The following SCOC variants were observed in gnomAD, a reference collection of about 807,000 sequenced individuals.
SCOC encodes short coiled coil protein.
Under a neutral mutation model 9.9 loss-of-function variants are expected in SCOC, and 7 were observed. That is an observed-to-expected ratio of 0.71 (90% CI 0.40 to 1.33). The LOEUF (loss-of-function observed/expected upper bound fraction) is 1.33. Among genes scored for constraint, SCOC ranks in the 40% most tolerant of loss-of-function variants. The pLI, the probability that SCOC is intolerant of heterozygous loss-of-function variation, is 0.01. For synonymous variants in SCOC, 19 were observed against 28.2 expected, an observed-to-expected ratio of 0.67 and a Z score of 1.03; for missense variants, 66 against 89.7, an observed-to-expected ratio of 0.74 and a Z score of 1.07.
At chr4:140,380,892 C>T in intron 3 of SCOC, 70 bp from the exon 4 acceptor site, 4 of 1,205,560 alleles carry the variant, frequency 3.3e-6, no homozygotes, top group Non-Finnish European at 4.5e-6. Flanking sequence ...AGAATGAATC[C>T]TAAGAATTTT....
At chr4:140,327,635 T>C (rs1379180811) in intron 1 of SCOC, among the ~76,000 whole-genome samples, 1 of 152,122 alleles carries the variant, frequency 6.6e-6, no homozygotes, top group Non-Finnish European at 1.5e-5. Flanking sequence ...ACAAAACAAA[T>C]GTTTTGTTTG....
In SCOC at chr4:140,263,727, G is replaced by A. The variant is rs528173796; in HGVS notation, c.-19+6317G>A. Reference sequence around the variant, plus strand: ...TTAGTTATCATATCACCCCGAATGGGTGAAATAGGTCAGCAACCCATGGGT... The same window carrying A: ...TTAGTTATCATATCACCCCGAATGGATGAAATAGGTCAGCAACCCATGGGT... On this transcript the variant is annotated intron_variant, in intron 1 of 4. Coordinates refer to the SCOC transcript ENST00000394205. 2.6e-5 allele frequency among the ~76,000 whole-genome samples: 4 copies of A among 152,218 alleles called. No individual in the cohort carries two copies. The South Asian group carries it at 8.3e-4, about 32-fold the overall frequency.
intron 1 of SCOC, among the ~76,000 whole-genome samples, chr4:140,283,114 C>A (rs981156007): frequency 6.6e-6 from 1 of 152,186 alleles, no homozygotes; most frequent in Admixed American, 6.5e-5. Context: ...TCTCTGTAAG[C>A]ATGTCCATCT....
upstream of SCOC, among the ~76,000 whole-genome samples, chr4:140,341,957 T>G (rs1726534290): frequency 6.6e-6 from 1 of 152,178 alleles, no homozygotes; most frequent in Non-Finnish European, 1.5e-5. Flanking sequence ...TGTCTTCACT[T>G]CACTTCACTT....
upstream of SCOC, chr4:140,373,577 G>A: frequency 1.3e-6 from 2 of 1,551,704 alleles, no homozygotes; most frequent in East Asian, 2.4e-5. Context: ...TGGCGGGCGA[G>A]CGGCTGGGAC....
chr4:140,359,332 A>G (rs1437607364), intron 2 of SCOC, among the ~76,000 whole-genome samples: 1 of 151,964 alleles, frequency 6.6e-6, no homozygotes, highest in Non-Finnish European at 1.5e-5. Flanking sequence ...TTGAGCACCT[A>G]CATATGGTCT....
At chr4:140,287,461 T>TAC (rs763123218) in intron 1 of SCOC, among the ~76,000 whole-genome samples, 9 of 148,564 alleles carry the variant, frequency 6.1e-5, no homozygotes, top group Non-Finnish European at 1.2e-4. Context: ...ACATACATGC[T>TAC]ACACACACAT....
chr4:140,306,580 C>A (rs1731994817), intron 1 of SCOC, among the ~76,000 whole-genome samples: 1 of 151,908 alleles, frequency 6.6e-6, no homozygotes, highest in African/African-American at 2.4e-5. Flanking sequence ...GTGCCTGGAC[C>A]ACCCAGACAA....
intron 1 of SCOC, among the ~76,000 whole-genome samples, chr4:140,286,019 T>C (rs946125160): frequency 1.3e-5 from 2 of 151,978 alleles, no homozygotes; most frequent in Admixed American, 6.6e-5. Flanking sequence ...ATCCCATCTC[T>C]ACTAAAAATA....
chr4:140,286,972 A>G (rs1731290300), intron 1 of SCOC, among the ~76,000 whole-genome samples: 1 of 152,074 alleles, frequency 6.6e-6, no homozygotes, highest in Non-Finnish European at 1.5e-5. Flanking sequence ...TACGACATAC[A>G]CACATCATGT....
At chr4:140,268,259 A>G (rs1730772907) in intron 1 of SCOC, among the ~76,000 whole-genome samples, 1 of 152,206 alleles carries the variant, frequency 6.6e-6, no homozygotes, top group South Asian at 2.1e-4. Context: ...TAACGTTTGT[A>G]TCTTGTGTCT....
chr4:140,268,955 G>GGGTAT (rs1730785792), intron 1 of SCOC, among the ~76,000 whole-genome samples: 1 of 152,182 alleles, frequency 6.6e-6, no homozygotes, highest in Non-Finnish European at 1.5e-5. Context: ...AGGCGATTCT[G>GGGTAT]ACGGGTATAT....
At chr4:140,259,174 G>A (rs1730575331) in intron 1 of SCOC, among the ~76,000 whole-genome samples, 1 of 152,218 alleles carries the variant, frequency 6.6e-6, no homozygotes, top group Non-Finnish European at 1.5e-5. Context: ...GGTTGGATAT[G>A]GCTAAGAGGT....
At chr4:140,304,511 C>T (rs1381011884) in intron 1 of SCOC, among the ~76,000 whole-genome samples, 1 of 152,052 alleles carries the variant, frequency 6.6e-6, no homozygotes, top group Non-Finnish European at 1.5e-5. Flanking sequence ...AGGCCTGTTG[C>T]GATATTGGAT....
chr4:140,311,241 T>TA (rs1034239271), intron 1 of SCOC, among the ~76,000 whole-genome samples: 2 of 152,090 alleles, frequency 1.3e-5, no homozygotes, highest in African/African-American at 4.8e-5. Flanking sequence ...TTAAAAATAA[T>TA]AAAAAAAGAT....
chr4:140,266,390 C>T (rs1038463379), intron 1 of SCOC, among the ~76,000 whole-genome samples: 10 of 152,104 alleles, frequency 6.6e-5, no homozygotes, highest in African/African-American at 2.4e-4. Flanking sequence ...CTAGTATGGT[C>T]AGGTTCTGGT....
chr4:140,323,713 T>C (rs1344771203), intron 1 of SCOC, among the ~76,000 whole-genome samples: 1 of 152,164 alleles, frequency 6.6e-6, no homozygotes. Context: ...TACTCCAATA[T>C]TTATTAAGAA....
chr4:140,331,184 T>C (rs1383976535), intron 1 of SCOC, among the ~76,000 whole-genome samples: 3 of 152,214 alleles, frequency 2.0e-5, no homozygotes, highest in Non-Finnish European at 4.4e-5. Context: ...CTTAATCTAA[T>C]ATAAAATGCA....
chr4:140,327,213 C>T (rs1394538586), intron 1 of SCOC, among the ~76,000 whole-genome samples: 1 of 152,174 alleles, frequency 6.6e-6, no homozygotes, highest in African/African-American at 2.4e-5. Flanking sequence ...TGCTGATGAA[C>T]AGAATTTACC....
Sources: allele counts gnomAD v4.1 joint callset (sites outside exome capture counted in the v4.1 genomes callset), GRCh38; gene constraint gnomAD v4.1.1; transcripts MANE v1.5; gene names NCBI Gene and HGNC (gene_info 2026-07-23, HGNC 2026-07-21).